MACC1: variants seen among roughly 807,000 people sequenced by gnomAD.
MACC1 encodes MET transcriptional regulator MACC1, also known as metastasis-associated in colon cancer protein 1.
A neutral mutation model predicts 70.7 loss-of-function variants in MACC1; 79 were observed. The ratio of observed to expected loss-of-function variants is 1.12; its 90% CI spans 0.93 to 1.35. The LOEUF (loss-of-function observed/expected upper bound fraction) is 1.35, where lower values mean the gene tolerates loss of function less well. Among genes scored for constraint, MACC1 ranks in the 40% most tolerant of loss-of-function variants. The probability of loss-of-function intolerance (pLI) is 0.00; values close to 1 mark genes in which losing one functional copy is unlikely to be tolerated. For synonymous variants in MACC1, 361 were observed against 347.2 expected, an observed-to-expected ratio of 1.04 and a Z score of -0.44; for missense variants, 1,106 against 978.1, an observed-to-expected ratio of 1.13 and a Z score of -1.74.
intron 1 of MACC1, among the ~76,000 whole-genome samples, chr7:20,194,746 A>C (rs542565821): frequency 2.6e-4 from 39 of 152,336 alleles, no homozygotes; most frequent in African/African-American, 9.1e-4. Context: ...TTTCCATTAA[A>C]AGCCATCTCA....
chr7:20,145,712 T>C (rs1781880502), intron 6 of MACC1, among the ~76,000 whole-genome samples: 1 of 152,100 alleles, frequency 6.6e-6, no homozygotes, highest in East Asian at 1.9e-4. Context: ...TACAAAAGGA[T>C]GTTAAAATCA....
intron 6 of MACC1, among the ~76,000 whole-genome samples, chr7:20,153,838 A>G (rs1028323546): frequency 2.0e-5 from 3 of 152,046 alleles, no homozygotes; most frequent in African/African-American, 7.2e-5. Context: ...GTCTTCCTCT[A>G]TTGTCCTGAC....
intron 1 of MACC1, among the ~76,000 whole-genome samples, chr7:20,173,217 T>C (rs866223258): frequency 6.6e-5 from 10 of 152,326 alleles, no homozygotes; most frequent in Middle Eastern, 6.8e-3. Flanking sequence ...ATAATATACA[T>C]GTTTTGCTTT....
Position 20,159,815 on chromosome 7 carries a change from C to T in MACC1, c.546G>A (p.Trp182Ter), listed in dbSNP as rs866963774. The change falls in exon 5 of 7, where the codon TGG (tryptophan) becomes TGA (stop). Residue 182 changes from tryptophan to a stop codon, truncating the protein, a stop_gained. Transcript: ENST00000400331. LOFTEE classifies it high-confidence loss of function. The stretch of plus-strand genomic sequence containing the variant: ...AGCGGGCCAGCTGGCGTTGACTTAA[C>T]CAAGCCATTTTATAAGCCTCCCGAT... Reference protein sequence around the residue: ...KNDREAYKMAWLSQRQLARSC... With the variant: ...KNDREAYKMA The T allele has an allele frequency of 2.5e-6, 4 of 1,613,986 alleles. No homozygotes were observed. Among genetic ancestry groups the T allele is most frequent in the Non-Finnish European group, 2.5e-6 (3 of 1,180,030 alleles).
At chr7:20,158,060 A>G in intron 5 of MACC1, 144 bp downstream of exon 5, 1 of 958,150 alleles carries the variant, frequency 1.0e-6, no homozygotes, top group Non-Finnish European at 1.4e-6. Context: ...TGTAGGAAAA[A>G]CTATATTTGC....
At chr7:20,210,175 T>C (rs1283290227) in intron 1 of MACC1, among the ~76,000 whole-genome samples, 1 of 152,214 alleles carries the variant, frequency 6.6e-6, no homozygotes, top group Non-Finnish European at 1.5e-5. Flanking sequence ...TTTGTAGATT[T>C]TCTATAGTGA....
chr7:20,165,036 G>C (rs1050390225), intron 2 of MACC1, among the ~76,000 whole-genome samples: 1 of 152,108 alleles, frequency 6.6e-6, no homozygotes, highest in African/African-American at 2.4e-5. Flanking sequence ...CAGGAATGAT[G>C]CCTTACGCAG....
At chr7:20,151,424 C>A (rs1414114435) in intron 6 of MACC1, among the ~76,000 whole-genome samples, 1 of 152,198 alleles carries the variant, frequency 6.6e-6, no homozygotes, top group Non-Finnish European at 1.5e-5. Context: ...GCAATAGTGA[C>A]ATCTTTGTAT....
chr7:20,203,283 A>G (rs1043476282), intron 1 of MACC1, among the ~76,000 whole-genome samples: 12 of 152,180 alleles, frequency 7.9e-5, no homozygotes, highest in Non-Finnish European at 1.5e-5. Context: ...ACAAGTGCGT[A>G]TCTCCTCTTT....
chr7:20,167,421 C>T (rs1451196580), intron 2 of MACC1, among the ~76,000 whole-genome samples: 2 of 151,802 alleles, frequency 1.3e-5, no homozygotes, highest in Non-Finnish European at 2.9e-5. Flanking sequence ...GTCTCGAACT[C>T]CTGAGCTCAG....
chr7:20,181,080 C>CTGTGTG (rs59476252), intron 1 of MACC1, among the ~76,000 whole-genome samples: 296 of 149,182 alleles, frequency 2.0e-3, no homozygotes, highest in African/African-American at 6.5e-3. Flanking sequence ...TGTATGTGCT[C>CTGTGTG]TGTGTGTGTG....
Position 20,139,747 on chromosome 7 carries a change from G to C in MACC1, c.*1199C>G, listed in dbSNP as rs1781769169. ...TCTTTGTGAACTTTGTCAGCCATTAGCATTTATACTGACCCAGGGTCCTAT... is the reference window on the plus strand; with the variant it reads ...TCTTTGTGAACTTTGTCAGCCATTACCATTTATACTGACCCAGGGTCCTAT... On this transcript the variant is annotated 3_prime_UTR_variant, in exon 7 of 7. Coordinates refer to ENST00000400331, the MANE Select transcript of MACC1 (RefSeq NM_182762.4). 6.6e-6 allele frequency: 1 copy of C among 151,766 alleles called. No individual in the cohort carries two copies. Among genetic ancestry groups the C allele is most frequent in the Non-Finnish European group, 1.5e-5 (1 of 67,972 alleles). The allele number at this position is 151,766 out of a possible 1,614,324, so 9.4% of individuals were successfully genotyped here. A position where few individuals can be genotyped will look rare whatever the true frequency, so the allele number is the denominator to read the frequency against.
intron 6 of MACC1, among the ~76,000 whole-genome samples, chr7:20,146,820 C>G (rs61340144): frequency 0.073 from 11,146 of 152,242 alleles, 1,352 homozygotes; most frequent in African/African-American, 0.25. Context: ...TCTCAGCCTT[C>G]TCATTTCTAT....
At chr7:20,183,474 T>C (rs1303872053) in intron 1 of MACC1, among the ~76,000 whole-genome samples, 1 of 152,204 alleles carries the variant, frequency 6.6e-6, no homozygotes, top group Non-Finnish European at 1.5e-5. Flanking sequence ...CCAAGCTTCA[T>C]TGTACCAGAC....
intron 1 of MACC1, among the ~76,000 whole-genome samples, chr7:20,172,040 G>A (rs1473387638): frequency 6.6e-6 from 1 of 152,172 alleles, no homozygotes; most frequent in African/African-American, 2.4e-5. Flanking sequence ...CATAACTAAT[G>A]AGAATATTCT....
intron 1 of MACC1, among the ~76,000 whole-genome samples, chr7:20,180,892 G>A (rs1380626349): frequency 2.6e-5 from 4 of 152,026 alleles, no homozygotes. Context: ...GATTCATTAA[G>A]AAGGCAAATA....
At chr7:20,193,692 T>C (rs138120069) in intron 1 of MACC1, among the ~76,000 whole-genome samples, 2 of 152,080 alleles carry the variant, frequency 1.3e-5, no homozygotes, top group South Asian at 2.1e-4. Context: ...TAGAGGGCCA[T>C]GTCCCACTTT....
At chr7:20,204,248 G>A (rs1213154229) in intron 1 of MACC1, among the ~76,000 whole-genome samples, 8 of 151,964 alleles carry the variant, frequency 5.3e-5, no homozygotes, top group Admixed American at 5.2e-4. Flanking sequence ...TCCGCCTCCC[G>A]GGTTCACGCC....
chr7:20,215,586 A>C (rs1276223590), intron 1 of MACC1, among the ~76,000 whole-genome samples: 1 of 152,174 alleles, frequency 6.6e-6, no homozygotes, highest in Non-Finnish European at 1.5e-5. Flanking sequence ...TCACATGTAA[A>C]ACTCTGCACA....
Sources: allele counts gnomAD v4.1 joint callset (sites outside exome capture counted in the v4.1 genomes callset), GRCh38; gene constraint gnomAD v4.1.1; transcripts MANE v1.5; gene names NCBI Gene and HGNC (gene_info 2026-07-23, HGNC 2026-07-21).